FAM184B: variants seen among roughly 807,000 people sequenced by gnomAD.
FAM184B encodes family with sequence similarity 184 member B, also known as protein FAM184B.
FAM184B carries 111 observed loss-of-function variants against 135.9 expected under a neutral mutation model. The ratio of observed to expected loss-of-function variants is 0.82; its 90% CI spans 0.70 to 0.96. The LOEUF (loss-of-function observed/expected upper bound fraction) is 0.96. Among genes scored for constraint, FAM184B ranks in the 40% least tolerant of loss-of-function variants. FAM184B has a pLI of 0.00. For synonymous variants in FAM184B, 552 were observed against 524.8 expected (o/e 1.05, Z -0.71); for missense variants, 1,375 against 1,323.9 (o/e 1.04, Z -0.60).
At chr4:17,633,360 C>CA (rs1715022226) in intron 17 of FAM184B, 1 of 198,308 alleles carries the variant, frequency 5.0e-6, no homozygotes, top group Non-Finnish European at 1.0e-5. Flanking sequence ...CCTTTAGTCT[C>CA]ACGTCAGTCT....
At chr4:17,711,250 G>A (rs1443104974) in intron 1 of FAM184B, among the ~76,000 whole-genome samples, 1 of 152,084 alleles carries the variant, frequency 6.6e-6, no homozygotes, top group Non-Finnish European at 1.5e-5. Flanking sequence ...GGAGGCTGAG[G>A]TGGGCGGATC....
At position 17,709,413 on chromosome 4, in the gene FAM184B, ACGAGG is replaced by A; in HGVS notation, c.368_372del (p.Ala123ValfsTer33). On this transcript the variant is annotated frameshift_variant, in exon 2 of 18. Coordinates refer to ENST00000265018, the MANE Select transcript of FAM184B (RefSeq NM_015688.2). LOFTEE classifies it high-confidence loss of function. ...TCTCTCTCCTTCGTCTCCAGCCTGCACGAGGCCGACTCAGCCAGCGCCTCCTCCGT... is the reference window on the plus strand; with the variant it reads ...TCTCTCTCCTTCGTCTCCAGCCTGCACCGACTCAGCCAGCGCCTCCTCCGT... The A allele has an allele frequency of 6.6e-7, 1 of 1,518,320 alleles. No homozygotes were observed. The highest frequency in any genetic ancestry group is 2.5e-5 in the East Asian group (1 of 40,444). 94.1% of individuals were successfully genotyped at this position (1,518,320 alleles called of 1,614,324 possible).
chr4:17,709,277 G>T lies in FAM184B; in HGVS notation c.509C>A (p.Ala170Asp), dbSNP rs1248213521. 1 of 1,548,650 alleles carries T rather than the reference G, an allele frequency of 6.5e-7. No individual in the cohort carries two copies. The highest frequency in any genetic ancestry group is 1.4e-5 in the African/African-American group (1 of 73,142). The change falls in exon 2 of 18, where the codon GCT becomes GAT. Residue 170 changes from alanine to aspartate, a missense_variant. Ala to Asp is a moderately radical substitution (Grantham distance 126, BLOSUM62 -2). Transcript: ENST00000265018. ...RRLQHLTSHE[A>D]TPQGRLPQES... Reference sequence around the variant, plus strand: ...CTGGGGCAGCCGGCCCTGCGGGGTAGCCTCGTGGCTCGTCAGGTGCTGGAG... The same window carrying T: ...CTGGGGCAGCCGGCCCTGCGGGGTATCCTCGTGGCTCGTCAGGTGCTGGAG...
rs576815579 is a variant in FAM184B, at chr4:17,677,736, C to A, written c.1596+10688G>T. 5.9e-5 allele frequency among the ~76,000 whole-genome samples: 9 copies of A among 152,162 alleles called. No individual in the cohort carries two copies. In the East Asian group the frequency reaches 1.7e-3, roughly 29 times the overall value. ...ATAACAAAAAAAGGAAACTACAAACCAATATCCCTAATGAACATAGATGCA... is the reference window on the plus strand; with the variant it reads ...ATAACAAAAAAAGGAAACTACAAACAAATATCCCTAATGAACATAGATGCA... On this transcript the variant is annotated intron_variant, in intron 7 of 17. Coordinates refer to ENST00000265018, the MANE Select transcript of FAM184B (RefSeq NM_015688.2).
intron 1 of FAM184B, among the ~76,000 whole-genome samples, chr4:17,774,450 C>T (rs567177812): frequency 2.6e-5 from 4 of 152,180 alleles, no homozygotes; most frequent in Non-Finnish European, 5.9e-5. Flanking sequence ...GAGGTGGACA[C>T]GGGCCCAGAG....
chr4:17,663,126 A>G (rs1471030101), intron 8 of FAM184B, among the ~76,000 whole-genome samples: 1 of 151,964 alleles, frequency 6.6e-6, no homozygotes, highest in African/African-American at 2.4e-5. Context: ...TTGTAGAGAC[A>G]GGGTTTTGCC....
chr4:17,635,536 T>C (rs879672053), intron 15 of FAM184B, among the ~76,000 whole-genome samples: 4 of 151,920 alleles, frequency 2.6e-5, no homozygotes, highest in Non-Finnish European at 4.4e-5. Context: ...TTACCTATAA[T>C]AACTATATGG....
rs572511453 is a variant in FAM184B, at chr4:17,765,370, G to T, written c.141+15789C>A. On this transcript the variant is annotated intron_variant, in intron 1 of 17. Transcript: ENST00000265018. ...ACCTCAAGGAAACGTCTAGCAAATA[G>T]AATCAAACGAGGGGCCACTACAATA... is the stretch of plus-strand genomic sequence containing the variant. 3.3e-5 allele frequency among the ~76,000 whole-genome samples: 5 copies of T among 152,170 alleles called. No homozygotes were observed. In the South Asian group the frequency reaches 1.0e-3, roughly 32 times the overall value.
At chr4:17,646,481 C>CA (rs1176028106) in intron 12 of FAM184B, among the ~76,000 whole-genome samples, 2 of 151,340 alleles carry the variant, frequency 1.3e-5, no homozygotes, top group South Asian at 2.1e-4. Context: ...ATCAGAAGGA[C>CA]AAAAAACCAA....
intron 12 of FAM184B, 70 bp from the exon 13 acceptor site, chr4:17,642,298 T>G: frequency 7.2e-7 from 1 of 1,394,180 alleles, no homozygotes; most frequent in East Asian, 2.9e-5. Context: ...GGGCCAGAGA[T>G]GTGCTGCGGC....
chr4:17,652,163 C>T lies in FAM184B; in HGVS notation c.2191+667G>A, dbSNP rs766771689. Among the ~76,000 whole-genome samples, 14 of 137,364 alleles carry T rather than the reference C, an allele frequency of 1.0e-4. No homozygotes were observed. The South Asian group carries it at 1.8e-3, about 18-fold the overall frequency. 90.1% of individuals were successfully genotyped at this position (137,364 alleles called of 152,430 possible). ...TTTTTTTTTTTGAGTCTTGCACTGT[C>T]GCCCAGGCTGGAGTGCAGTGGCGCC... On this transcript the variant is annotated intron_variant, in intron 11 of 17. Transcript: ENST00000265018.
At chr4:17,658,787 A>G (rs1264572696) in intron 9 of FAM184B, among the ~76,000 whole-genome samples, 4 of 152,066 alleles carry the variant, frequency 2.6e-5, no homozygotes, top group Non-Finnish European at 5.9e-5. Flanking sequence ...GGGGACATCA[A>G]CCTTTCAAGA....
intron 9 of FAM184B, among the ~76,000 whole-genome samples, chr4:17,658,954 C>A (rs1054588887): frequency 1.3e-5 from 2 of 152,142 alleles, no homozygotes; most frequent in Non-Finnish European, 2.9e-5. Context: ...ACAGGACAGC[C>A]TCCCAGAAAC....
At chr4:17,753,433 A>T (rs543789336) in intron 1 of FAM184B, among the ~76,000 whole-genome samples, 1 of 152,240 alleles carries the variant, frequency 6.6e-6, no homozygotes, top group Non-Finnish European at 1.5e-5. Context: ...AATGTGTTTA[A>T]ATAGAACCCA....
intron 7 of FAM184B, among the ~76,000 whole-genome samples, chr4:17,665,803 T>G (rs933198951): frequency 1.3e-5 from 2 of 152,180 alleles, no homozygotes; most frequent in Non-Finnish European, 2.9e-5. Context: ...TGGTCGATTC[T>G]TGGGTCTGCA....
chr4:17,646,569 G>A (rs1033184592), intron 12 of FAM184B, among the ~76,000 whole-genome samples: 12 of 152,124 alleles, frequency 7.9e-5, no homozygotes, highest in South Asian at 2.1e-4. Context: ...ATCACACACC[G>A]GGGACTGTTG....
chr4:17,672,610 G>GT (rs1265461470), intron 7 of FAM184B, among the ~76,000 whole-genome samples: 3 of 152,050 alleles, frequency 2.0e-5, no homozygotes, highest in Non-Finnish European at 2.9e-5. Flanking sequence ...TTTATCAAAT[G>GT]TTTTTTCTGT....
At chr4:17,765,846 C>T (rs1401854218) in intron 1 of FAM184B, among the ~76,000 whole-genome samples, 3 of 152,150 alleles carry the variant, frequency 2.0e-5, no homozygotes, top group East Asian at 1.9e-4. Flanking sequence ...TTCTGAGTTT[C>T]TTCCTTCTGG....
intron 13 of FAM184B, among the ~76,000 whole-genome samples, chr4:17,641,624 A>C (rs1033463423): frequency 7.8e-6 from 1 of 127,504 alleles, no homozygotes; most frequent in South Asian, 2.7e-4. Flanking sequence ...GATTACAGGC[A>C]CACACCACCA....
Sources: gnomAD v4.1 joint callset for allele counts (sites outside exome capture counted in the v4.1 genomes callset) on GRCh38, gnomAD v4.1.1 for gene constraint, MANE v1.5 for transcripts, NCBI Gene and HGNC (gene_info 2026-07-23, HGNC 2026-07-21) for gene names.